The following MEF2C variants were observed in gnomAD, a reference collection of about 807,000 sequenced individuals.
MEF2C encodes myocyte enhancer factor 2C.
In MEF2C, 6 loss-of-function variants were observed where a neutral mutation model predicts 50.5. That is an observed-to-expected ratio of 0.12 (90% confidence interval 0.07 to 0.23). The LOEUF (loss-of-function observed/expected upper bound fraction) is 0.23. Ranked by LOEUF, MEF2C falls within the 10% of genes least tolerant of loss-of-function variation. The probability of loss-of-function intolerance (pLI) is 1.00; values close to 1 mark genes in which losing one functional copy is unlikely to be tolerated. For synonymous variants in MEF2C, 183 were observed against 228.0 expected (o/e 0.80, Z 1.78); for missense variants, 276 against 605.0 (o/e 0.46, Z 5.70).
At chr5:88,815,423 A>C (rs1178648326) in intron 2 of MEF2C, among the ~76,000 whole-genome samples, 1 of 152,098 alleles carries the variant, frequency 6.6e-6, no homozygotes, top group Admixed American at 6.6e-5. Flanking sequence ...CATTTGTTGA[A>C]ATGTTATTTA....
chr5:88,845,945 T>C lies in MEF2C; in HGVS notation c.-142-22015A>G, dbSNP rs139747388. Among the ~76,000 whole-genome samples, 61 of 152,260 alleles carry C rather than the reference T, an allele frequency of 4.0e-4. 1 individual carries two copies. The East Asian group carries it at 0.01, about 25-fold the overall frequency. ...AAAATACATAATAAAAGATTTTTCT[T>C]AACATTGAATTTTCAGCCTATATCT... On this transcript the variant is annotated intron_variant, in intron 1 of 10. Coordinates refer to ENST00000504921, the MANE Select transcript of MEF2C (RefSeq NM_002397.5).
chr5:88,745,311 G>C (rs576433334), intron 6 of MEF2C, among the ~76,000 whole-genome samples: 2 of 152,218 alleles, frequency 1.3e-5, no homozygotes, highest in African/African-American at 2.4e-5. Flanking sequence ...GTTGGTACAG[G>C]CTACTATGTA....
chr5:88,775,729 T>C (rs1262979046), intron 3 of MEF2C: 7 of 763,376 alleles, frequency 9.2e-6, no homozygotes, highest in African/African-American at 7.6e-5. Context: ...GCATATATTA[T>C]GCAGATGATA....
intron 4 of MEF2C, chr5:88,752,625 C>T (rs1308431083): frequency 1.0e-6 from 1 of 985,096 alleles, no homozygotes; most frequent in African/African-American, 1.7e-5. Context: ...TTCAATAATT[C>T]ACATTTTGAA....
intron 6 of MEF2C, among the ~76,000 whole-genome samples, chr5:88,745,429 CAGA>C (rs1289303251): frequency 3.3e-5 from 5 of 152,342 alleles, no homozygotes; most frequent in Non-Finnish European, 4.4e-5. Context: ...TAGCATGAAG[CAGA>C]AGAAGGAAAG....
At chr5:88,766,536 A>G (rs573946210) in intron 3 of MEF2C, 51 of 642,900 alleles carry the variant, frequency 7.9e-5, no homozygotes, top group Non-Finnish European at 9.5e-5. Context: ...GCTTTTTTTC[A>G]GAGAACCACC....
chr5:88,786,290 T>G (rs976666884), intron 3 of MEF2C, among the ~76,000 whole-genome samples: 2 of 152,022 alleles, frequency 1.3e-5, no homozygotes, highest in Non-Finnish European at 2.9e-5. Flanking sequence ...CAGACCAAAA[T>G]ACAACAAGCT....
chr5:88,903,789 G>GT (rs1419776352), intron 1 of MEF2C: 1 of 152,028 alleles, frequency 6.6e-6, no homozygotes, highest in Non-Finnish European at 1.5e-5. Context: ...CCACTGTTGA[G>GT]TGAGTTGGCT....
intron 3 of MEF2C, among the ~76,000 whole-genome samples, chr5:88,790,453 A>T (rs149275289): frequency 1.3e-5 from 2 of 152,276 alleles, no homozygotes; most frequent in Admixed American, 6.5e-5. Context: ...TACTCTGGTG[A>T]TTCACACTGG....
intron 3 of MEF2C, among the ~76,000 whole-genome samples, chr5:88,774,975 CCTT>C (rs1478573631): frequency 6.6e-6 from 1 of 152,160 alleles, no homozygotes; most frequent in East Asian, 1.9e-4. Context: ...AGGCTGCGCT[CCTT>C]GAGGGCAGGT....
intron 1 of MEF2C, among the ~76,000 whole-genome samples, chr5:88,863,469 T>C (rs1481789492): frequency 6.6e-6 from 1 of 152,268 alleles, no homozygotes; most frequent in Admixed American, 6.5e-5. Flanking sequence ...TTTCTGAAAC[T>C]GTAAGAATGC....
chr5:88,810,992 G>A (rs1370378092), intron 2 of MEF2C, among the ~76,000 whole-genome samples: 1 of 151,998 alleles, frequency 6.6e-6, no homozygotes, highest in Admixed American at 6.6e-5. Flanking sequence ...TTCAGGTTGG[G>A]GATAATTAAG....
intron 1 of MEF2C, among the ~76,000 whole-genome samples, chr5:88,832,129 C>T (rs544727628): frequency 1.3e-5 from 2 of 152,258 alleles, no homozygotes; most frequent in East Asian, 3.9e-4. Context: ...TCACATAGGA[C>T]TTCTGAAGCC....
intron 3 of MEF2C, among the ~76,000 whole-genome samples, chr5:88,800,779 T>A (rs528743635): frequency 6.6e-6 from 1 of 152,326 alleles, no homozygotes; most frequent in South Asian, 2.1e-4. Flanking sequence ...ATGGACTTCC[T>A]TCAAAGGAAG....
intron 6 of MEF2C, chr5:88,737,591 T>C (rs971898939): frequency 2.0e-6 from 2 of 985,268 alleles, no homozygotes; most frequent in African/African-American, 1.7e-5. Flanking sequence ...ATAAGCTGCA[T>C]GGTATCCTAG....
At chr5:88,846,013 G>T (rs1819186844) in intron 1 of MEF2C, among the ~76,000 whole-genome samples, 1 of 151,248 alleles carries the variant, frequency 6.6e-6, no homozygotes. Flanking sequence ...TGTTAAAAGT[G>T]GTATAACATT....
upstream of MEF2C, chr5:88,883,616 C>T (rs1472847550): frequency 6.6e-6 from 1 of 152,218 alleles, no homozygotes; most frequent in African/African-American, 2.4e-5. Flanking sequence ...TGTCTTTTGC[C>T]TCCTTTTTTC....
chr5:88,879,905 A>C (rs549848386), intron 1 of MEF2C, among the ~76,000 whole-genome samples: 13 of 152,256 alleles, frequency 8.5e-5, no homozygotes, highest in Admixed American at 2.0e-4. Flanking sequence ...CTATCAAAAT[A>C]ACATGTGAAC....
At chr5:88,773,970 ATGG>A (rs1289739133) in intron 3 of MEF2C, among the ~76,000 whole-genome samples, 1 of 152,226 alleles carries the variant, frequency 6.6e-6, no homozygotes, top group Admixed American at 6.5e-5. Flanking sequence ...TAATGGGTAG[ATGG>A]TTGCTGGTCA....
Sources: gnomAD v4.1 joint callset for allele counts (sites outside exome capture counted in the v4.1 genomes callset) on GRCh38, gnomAD v4.1.1 for gene constraint, MANE v1.5 for transcripts, NCBI Gene and HGNC (gene_info 2026-07-23, HGNC 2026-07-21) for gene names.